The following KMT2D variants were observed in gnomAD, a reference collection of about 807,000 sequenced individuals.
KMT2D encodes the protein lysine methyltransferase 2D.
In KMT2D, 55 loss-of-function variants were observed where a neutral mutation model predicts 512.7. The ratio of observed to expected loss-of-function variants is 0.11; its 90% CI spans 0.09 to 0.13. KMT2D has a LOEUF of 0.13. KMT2D is among the 10% of genes least tolerant of loss of function. KMT2D has a pLI of 1.00. For synonymous variants in KMT2D, 2,995 were observed against 2,904.0 expected (o/e 1.03, Z -1.01); for missense variants, 6,061 against 7,127.9 (o/e 0.85, Z 5.39).
chr12:49,026,379 A>T lies in KMT2D; in HGVS notation c.15587T>A (p.Met5196Lys), dbSNP rs1371396277. 6.2e-7 allele frequency: 1 copy of T among 1,612,624 alleles called. No individual in the cohort carries two copies. Among genetic ancestry groups the T allele is most frequent in the Non-Finnish European group, 8.5e-7 (1 of 1,178,788 alleles). ...GGCAGTGGCACTATGAAAGTCAGCC[A>T]TCTGGTGAGGCAGCAGCTGTCCGAT... ...HAIGQLLPHQ[M>K]ADFHSATALY... Residue 5196 changes from methionine to lysine, a missense_variant, in exon 49 of 55, where the codon ATG (methionine) becomes AAG (lysine). Physicochemically the swap from Met to Lys is moderately conservative, Grantham distance 95 (BLOSUM62 -1). Coordinates refer to ENST00000301067, the MANE Select transcript of KMT2D (RefSeq NM_003482.4). This position sits in a 1 kb window ranked among gnomAD's most constrained non-coding sequence, Gnocchi z 9.6.
rs2120599736 is a variant in KMT2D at position 49,046,077 on chromosome 12, C to T, written c.4681G>A (p.Val1561Ile). ...AGCTGGTACTCACCCACAGGCTTTA[C>T]CACGTAGGGCTGGCAGGAGACACAG... The part of the protein sequence containing the change: ...FDCVSCQPYV[V>I]KPVAPVAPPE... Residue 1561 changes from valine to isoleucine, a missense_variant, in exon 18 of 55, where the codon GTA (valine) becomes ATA (isoleucine). Around this residue, in one of 16 missense-constraint regions of KMT2D, gnomAD observed 640 missense variants for 814.3 expected, o/e 0.79. Transcript: ENST00000301067. The surrounding 1 kb of genome is among the most constrained non-coding windows in gnomAD (Gnocchi z 4.2). 2 of 1,611,624 alleles carry T rather than the reference C, an allele frequency of 1.2e-6. No homozygotes were observed. The highest frequency in any genetic ancestry group is 1.3e-5 in the African/African-American group (1 of 75,000).
Position 49,051,270 on chromosome 12 carries a change from G to GCGGCC in KMT2D, c.2412_2413insGGCCG (p.His805GlyfsTer127). The GCGGCC allele has an allele frequency of 6.5e-7, 1 of 1,548,326 alleles. No homozygotes were observed. Among genetic ancestry groups the GCGGCC allele is most frequent in the South Asian group, 1.2e-5 (1 of 80,914 alleles). ...GGCTCCTCAGTCTGGGGGGACAGGT[G>GCGGCC]CAATTCCTCAGGCTGAGGGGACAGA... On this transcript the variant is annotated frameshift_variant, in exon 11 of 55. Coordinates refer to ENST00000301067, the MANE Select transcript of KMT2D (RefSeq NM_003482.4). LOFTEE classifies it high-confidence loss of function.
chr12:49,019,033 A>C lies in KMT2D; in HGVS notation c.*2747T>G. 7.3e-7 allele frequency: 1 copy of C among 1,378,538 alleles called. No individual in the cohort carries two copies. The highest frequency in any genetic ancestry group is 9.4e-7 in the Non-Finnish European group (1 of 1,068,042). 85.4% of individuals were successfully genotyped at this position (1,378,538 alleles called of 1,614,324 possible). On this transcript the variant is annotated 3_prime_UTR_variant, in exon 55 of 55. Transcript: ENST00000301067. ...TTAAAAACAAACTTGGAAGAAGCAA[A>C]ATCCAAAACTTGCCCTTTGCCTCTC... is the stretch of plus-strand genomic sequence containing the variant.
At position 49,033,306 on chromosome 12, in the gene KMT2D, C is replaced by T. The variant is rs1290647008; in HGVS notation, c.11399G>A (p.Gly3800Asp). 6.3e-6 allele frequency: 10 copies of T among 1,589,560 alleles called. No homozygotes were observed. The highest frequency in any genetic ancestry group is 3.6e-5 in the Admixed American group (2 of 56,282). The change falls in exon 40 of 55, where the codon GGC becomes GAC. Residue 3800 changes from glycine (G) to aspartate (D), a missense_variant. Physicochemically the swap from Gly to Asp is moderately conservative, Grantham distance 94. This residue lies in a region of KMT2D where 1,600 missense variants were observed against 1,754.9 expected (regional missense o/e 0.91). Coordinates refer to ENST00000301067, the MANE Select transcript of KMT2D (RefSeq NM_003482.4). Reference protein sequence around the residue: ...LSPQPPQGPQGMLGPAQVAVL... With the variant: ...LSPQPPQGPQDMLGPAQVAVL... ...AGCCACCTGGGCAGGGCCCAGCATG[C>T]CCTGGGGCCCCTGGGGTGGTTGAGG... is the stretch of plus-strand genomic sequence containing the variant.
Position 49,050,407 on chromosome 12 carries a change from C to A in KMT2D, c.3181G>T (p.Val1061Leu), listed in dbSNP as rs200450910. The stretch of plus-strand genomic sequence containing the variant: ...TCAGCCTCATCTGAGACCCCCACTA[C>A]CTTCCCTATGGGACTCAACGGGGAG... ...VPSPLSPIGK[V>L]VGVSDEAELH... Residue 1061 changes from valine to leucine, a missense_variant, in exon 12 of 55, where the codon GTA (valine) becomes TTA (leucine). By Grantham distance (32) the Val-to-Leu change is conservative. This residue lies in a region of KMT2D where 447 missense variants were observed against 500.1 expected (regional missense o/e 0.89). Transcript: ENST00000301067. The A allele has an allele frequency of 7.0e-5, 113 of 1,613,794 alleles. No homozygotes were observed. The African/African-American group carries it at 1.0e-3, about 15-fold the overall frequency.
chr12:49,033,173 A>G lies in KMT2D; in HGVS notation c.11532T>C (p.Gly3844=). The G allele has an allele frequency of 6.5e-7, 1 of 1,548,854 alleles. No homozygotes were observed. Among genetic ancestry groups the G allele is most frequent in the East Asian group, 2.5e-5 (1 of 40,768 alleles). The change falls in exon 40 of 55, where the codon GGT becomes GGC. Residue 3844 remains glycine, a synonymous_variant. Coordinates refer to ENST00000301067, the MANE Select transcript of KMT2D (RefSeq NM_003482.4). ...VLSSPQLAQQ[G]QGLMGHRLVT... is the part of the protein sequence containing the mutation. ...CCAGCCTGTGTCCCATAAGGCCCTG[A>G]CCCTGCTGTGCCAGCTGGGGGGAAC...
Position 49,026,510 on chromosome 12 carries a change from GAAGACAGCA to G in KMT2D, c.15447_15455del (p.Ala5150_Phe5152del). ...CGTCCCGCTCAATGTAGACCCGCCG[GAAGACAGCA>G]AAAGAGCTCAGCTCTTGCTCACAGG... On this transcript the variant is annotated inframe_deletion, in exon 49 of 55. Transcript: ENST00000301067. This position sits in a 1 kb window ranked among gnomAD's most constrained non-coding sequence, Gnocchi z 9.6. The G allele has an allele frequency of 6.2e-7, 1 of 1,613,938 alleles. No homozygotes were observed. Among genetic ancestry groups the G allele is most frequent in the Non-Finnish European group, 8.5e-7 (1 of 1,179,894 alleles).
rs1398974964 is a variant in KMT2D, at chr12:49,053,053, G to GCCCGGCACA, written c.965_973dup (p.Val322_Arg324dup). 1 of 1,613,926 alleles carries GCCCGGCACA rather than the reference G, an allele frequency of 6.2e-7. No homozygotes were observed. The highest frequency in any genetic ancestry group is 8.5e-7 in the Non-Finnish European group (1 of 1,179,896). On this transcript the variant is annotated inframe_insertion, in exon 9 of 55. Transcript: ENST00000301067. ...CAGTTCTGCTGAGCCCGCCCCACAG[G>GCCCGGCACA]CCCGGCACACCCGGCACGCCTAAGG...
In KMT2D at chr12:49,039,513, T is replaced by C. The variant is rs1295859420; in HGVS notation, c.8151A>G (p.Pro2717=). The C allele has an allele frequency of 1.9e-6, 3 of 1,612,178 alleles. No homozygotes were observed. The highest frequency in any genetic ancestry group is 1.7e-4 in the Middle Eastern group (1 of 6,060). The change falls in exon 33 of 55, where the codon CCA becomes CCG. Residue 2717 remains proline (P), a synonymous_variant. Transcript: ENST00000301067. The surrounding 1 kb of genome is among the most constrained non-coding windows in gnomAD (Gnocchi z 5.0). ...TGCTGGGCTCAGCACCCCAGCTGCC[T>C]GGAGGCCCCACTGCTCCTGCAGCTG... ...AAAAAGAVGP[P]GSWGAEPSSP... is the part of the protein sequence containing the mutation.
Position 49,050,187 on chromosome 12 carries a change from T to C in KMT2D, c.3401A>G (p.Gln1134Arg), listed in dbSNP as rs1182032138. 1 of 1,613,808 alleles carries C rather than the reference T, an allele frequency of 6.2e-7. No homozygotes were observed. Among genetic ancestry groups the C allele is most frequent in the Non-Finnish European group, 8.5e-7 (1 of 1,179,880 alleles). ...GCCAGGGGTCTGTCCAGGCTCTGGC[T>C]GTGAACCCGGAGCATCAATCCCATC... The part of the protein sequence containing the change: ...PLDGIDAPGS[Q>R]PEPGQTPGSL... Residue 1134 changes from glutamine (Q) to arginine (R), a missense_variant, in exon 12 of 55, where the codon CAG (glutamine) becomes CGG (arginine). Physicochemically the swap from Gln to Arg is conservative, Grantham distance 43. Coordinates refer to ENST00000301067, the MANE Select transcript of KMT2D (RefSeq NM_003482.4).
rs2120560761 is a variant in KMT2D, at chr12:49,042,857, T to A, written c.5666A>T (p.Lys1889Met). The A allele has an allele frequency of 6.2e-7, 1 of 1,613,910 alleles. No homozygotes were observed. Among genetic ancestry groups the A allele is most frequent in the Non-Finnish European group, 8.5e-7 (1 of 1,179,852 alleles). ...STEELPKMES[K>M]DLQQLFKDVL... ...ATCCTTGAAGAGCTGCTGCAGGTCCTTGGATTCCATCTTGGGCAGTTCTGT... is the reference window on the plus strand; with the variant it reads ...ATCCTTGAAGAGCTGCTGCAGGTCCATGGATTCCATCTTGGGCAGTTCTGT... The change falls in exon 27 of 55, where the codon AAG (lysine) becomes ATG (methionine). Residue 1889 changes from lysine (K) to methionine (M), a missense_variant. Physicochemically the swap from Lys to Met is moderately conservative, Grantham distance 95. This residue lies in a region of KMT2D where 640 missense variants were observed against 814.3 expected (regional missense o/e 0.79). Transcript: ENST00000301067. The surrounding 1 kb of genome is among the most constrained non-coding windows in gnomAD (Gnocchi z 4.4).
At position 49,038,317 on chromosome 12, in the gene KMT2D, A is replaced by C. The variant is rs2120494281; in HGVS notation, c.9039T>G (p.Gly3013=). 2 of 1,613,750 alleles carry C rather than the reference A, an allele frequency of 1.2e-6. No homozygotes were observed. The highest frequency in any genetic ancestry group is 1.7e-6 in the Non-Finnish European group (2 of 1,179,870). ...CACCCTTGGCCACATCCACACCCAG[A>C]CCCAGGTGAGCAAGCTCTTCATCAT... is the stretch of plus-strand genomic sequence containing the variant. ...LEDDEELAHL[G]LGVDVAKGDD... The change falls in exon 35 of 55, where the codon GGT becomes GGG. Residue 3013 remains glycine, a synonymous_variant. Coordinates refer to ENST00000301067, the MANE Select transcript of KMT2D (RefSeq NM_003482.4). This position sits in a 1 kb window ranked among gnomAD's most constrained non-coding sequence, Gnocchi z 5.7.
intron 35 of KMT2D, among the ~76,000 whole-genome samples, chr12:49,036,209 A>C (rs767226285): frequency 1.3e-5 from 2 of 152,122 alleles, no homozygotes; most frequent in South Asian, 4.1e-4. Context: ...ACTTCACTCG[A>C]AACAGTTTAC....
Position 49,019,220 on chromosome 12 carries a change from T to C in KMT2D, c.*2560A>G. 1 of 981,046 alleles carries C rather than the reference T, an allele frequency of 1.0e-6. No individual in the cohort carries two copies. Among genetic ancestry groups the C allele is most frequent in the Non-Finnish European group, 1.2e-6 (1 of 800,640 alleles). 60.8% of individuals were successfully genotyped at this position (981,046 alleles called of 1,614,324 possible). A position where few individuals can be genotyped will look rare whatever the true frequency, so the allele number is the denominator to read the frequency against. On this transcript the variant is annotated 3_prime_UTR_variant, in exon 55 of 55. Coordinates refer to ENST00000301067, the MANE Select transcript of KMT2D (RefSeq NM_003482.4). ...TGTACAGGATACACACAACACAAAA[T>C]AAAGTCTTCACGGGATTCACACTTG...
In KMT2D at chr12:49,043,695, T is replaced by C. The variant is rs1217603879; in HGVS notation, c.5407A>G (p.Thr1803Ala). 1.2e-6 allele frequency: 2 copies of C among 1,613,768 alleles called. No individual in the cohort carries two copies. The highest frequency in any genetic ancestry group is 2.7e-5 in the African/African-American group (2 of 74,878). The change falls in exon 24 of 55, where the codon ACC (threonine) becomes GCC (alanine). Residue 1803 changes from threonine to alanine, a missense_variant. Physicochemically the swap from Thr to Ala is moderately conservative, Grantham distance 58. Transcript: ENST00000301067. ...CCTCCATCTCCCTTGGCTTTTGGGG[T>C]CCCTAGTCCAAAGCTTGGCCGGCCC... ...GVGRPSFGLG[T>A]PKAKGDGGSE...
chr12:49,045,104 G>A (rs569484454), intron 19 of KMT2D, 139 bp from the exon 20 acceptor site: 18 of 742,084 alleles, frequency 2.4e-5, no homozygotes, highest in East Asian at 2.4e-4. Context: ...GAGGAGAACA[G>A]GCCACCAAGG....
chr12:49,042,497 A>G lies in KMT2D; in HGVS notation c.5867+64T>C, dbSNP rs963618817. ...TGCAGGAGTCCGAGGGAGGCAAAGC[A>G]TGAACTCAGATGGAGGGAAAGGACA... is the stretch of plus-strand genomic sequence containing the variant. On this transcript the variant is annotated intron_variant, in intron 28 of 54. Transcript: ENST00000301067. The surrounding 1 kb of genome is among the most constrained non-coding windows in gnomAD (Gnocchi z 4.4). 2.6e-6 allele frequency: 4 copies of G among 1,568,070 alleles called. No individual in the cohort carries two copies. The African/African-American group carries it at 4.1e-5, about 16-fold the overall frequency.
chr12:49,045,130 C>T (rs548547673), intron 19 of KMT2D, among the ~76,000 whole-genome samples, 165 bp from the exon 20 acceptor site: 1 of 152,302 alleles, frequency 6.6e-6, no homozygotes, highest in Non-Finnish European at 1.5e-5. Context: ...TGGCTGAGGC[C>T]CGAGTTCTCT....
rs967275526 is a variant in KMT2D, at chr12:49,033,546, T to C, written c.11159A>G (p.Gln3720Arg). The change falls in exon 40 of 55, where the codon CAG becomes CGG. Residue 3720 changes from glutamine (Q) to arginine (R), a missense_variant. Gln to Arg is a conservative substitution (Grantham distance 43, BLOSUM62 1). Transcript: ENST00000301067. ...CATACGTTGCTGCTGCAGCTGCAGCTGCCTTTCCTGTAAAAGCCTTGAATC... is the reference window on the plus strand; with the variant it reads ...CATACGTTGCTGCTGCAGCTGCAGCCGCCTTTCCTGTAAAAGCCTTGAATC... Reference protein sequence around the residue: ...GPDSRLLQERQLQLQQQRMQL... With the variant: ...GPDSRLLQERRLQLQQQRMQL... 3 of 1,613,554 alleles carry C rather than the reference T, an allele frequency of 1.9e-6. No individual in the cohort carries two copies. The highest frequency in any genetic ancestry group is 2.2e-5 in the East Asian group (1 of 44,884).
Sources: gnomAD v4.1 joint callset for allele counts (sites outside exome capture counted in the v4.1 genomes callset) on GRCh38, gnomAD v4.1.1 for gene constraint, gnomAD v4.1.1 regional missense constraint, Gnocchi (gnomAD v3.1) non-coding constraint, MANE v1.5 for transcripts, NCBI Gene and HGNC (gene_info 2026-07-23, HGNC 2026-07-21) for gene names.